The following GALNT12 variants were observed in gnomAD, a reference collection of about 807,000 sequenced individuals.
GALNT12 encodes the protein polypeptide N-acetylgalactosaminyltransferase 12, also known as UDP-GalNAc:polypeptide N-acetylgalactosaminyltransferase 12.
A neutral mutation model predicts 55.5 loss-of-function variants in GALNT12; 45 were observed. That is an observed-to-expected ratio of 0.81 (90% CI 0.64 to 1.04). The LOEUF (loss-of-function observed/expected upper bound fraction) is 1.04, where lower values mean the gene tolerates loss of function less well. GALNT12 is among the 50% of genes least tolerant of loss of function. The pLI is 0.00. For missense variants in GALNT12, 709 were observed against 754.8 expected (o/e 0.94, Z 0.71); for synonymous variants, 304 against 312.2 (o/e 0.97, Z 0.28).
chr9:98,844,054 C>G (rs1836356568), intron 7 of GALNT12, 42 bp from the exon 8 acceptor site: 1 of 1,368,530 alleles, frequency 7.3e-7, no homozygotes, highest in Admixed American at 1.7e-5. Flanking sequence ...CTGTTAGTGT[C>G]TATAAATCTG....
intron 8 of GALNT12, chr9:98,844,515 T>C (rs542932690): frequency 2.7e-6 from 1 of 364,922 alleles, no homozygotes; most frequent in Admixed American, 4.2e-5. Flanking sequence ...ATATCATTCC[T>C]AGTGGCCACT....
chr9:98,822,814 C>T (rs938406463), intron 1 of GALNT12, among the ~76,000 whole-genome samples: 3 of 152,020 alleles, frequency 2.0e-5, no homozygotes, highest in Non-Finnish European at 4.4e-5. Flanking sequence ...TGGTCCCAGG[C>T]GTTTCACAAA....
chr9:98,840,123 T>G lies in GALNT12; in HGVS notation c.1334T>G (p.Phe445Cys). 6.2e-7 allele frequency: 1 copy of G among 1,613,626 alleles called. No homozygotes were observed. The highest frequency in any genetic ancestry group is 8.5e-7 in the Non-Finnish European group (1 of 1,179,958). Residue 445 changes from phenylalanine to cysteine, a missense_variant, in exon 7 of 10, where the codon TTC (phenylalanine) becomes TGC (cysteine). By Grantham distance (205) the Phe-to-Cys change is radical. Transcript: ENST00000375011. ...ELHVPEDRPG[F>C]FGMLQNKGLT... ...CATGTGCCTGAGGACAGGCCTGGCT[T>G]CTTCGGGATGGTGAGTGAGGGTGGT...
intron 3 of GALNT12, among the ~76,000 whole-genome samples, chr9:98,830,793 A>G (rs1835975239): frequency 6.6e-6 from 1 of 152,204 alleles, no homozygotes; most frequent in Non-Finnish European, 1.5e-5. Context: ...ATTTCCCGAT[A>G]GTTGTAATTC....
intron 3 of GALNT12, among the ~76,000 whole-genome samples, chr9:98,829,887 C>T (rs761285575): frequency 5.9e-5 from 9 of 152,190 alleles, no homozygotes; most frequent in Non-Finnish European, 1.0e-4. Context: ...ATGGACACTT[C>T]GGTTGCTTCC....
intron 1 of GALNT12, among the ~76,000 whole-genome samples, chr9:98,820,200 G>A (rs1021766649): frequency 6.6e-6 from 1 of 152,060 alleles, no homozygotes; most frequent in Non-Finnish European, 1.5e-5. Flanking sequence ...CATCACCTAG[G>A]TATTAAGCCC....
Position 98,826,972 on chromosome 9 carries a change from G to A in GALNT12, c.731+31G>A, listed in dbSNP as rs533587096. ...TGAGCCGCCCACCATGGGAGAGACA[G>A]CATGTTACCTGGAGTAGGTAGCATG... On this transcript the variant is annotated intron_variant, in intron 3 of 9. Coordinates refer to ENST00000375011, the MANE Select transcript of GALNT12 (RefSeq NM_024642.5). 5 of 1,549,716 alleles carry A rather than the reference G, an allele frequency of 3.2e-6. No individual in the cohort carries two copies. The South Asian group carries it at 6.0e-5, about 18-fold the overall frequency.
At chr9:98,822,826 G>A (rs1311426090) in intron 1 of GALNT12, among the ~76,000 whole-genome samples, 2 of 152,126 alleles carry the variant, frequency 1.3e-5, no homozygotes, top group Non-Finnish European at 2.9e-5. Context: ...TTTCACAAAG[G>A]AGAACAGGCC....
At chr9:98,816,360 T>C (rs919501507) in intron 1 of GALNT12, among the ~76,000 whole-genome samples, 1 of 148,600 alleles carries the variant, frequency 6.7e-6, no homozygotes, top group Admixed American at 6.8e-5. Flanking sequence ...CCCTAGGCTA[T>C]TGGTTTTAGT....
At chr9:98,808,303 A>G (rs1259772699) in intron 1 of GALNT12, among the ~76,000 whole-genome samples, 1 of 152,178 alleles carries the variant, frequency 6.6e-6, no homozygotes, top group African/African-American at 2.4e-5. Flanking sequence ...GTGATCTCTT[A>G]GCTCCCTTCT....
intron 7 of GALNT12, among the ~76,000 whole-genome samples, chr9:98,842,583 G>A (rs568075067): frequency 1.5e-4 from 23 of 152,176 alleles, no homozygotes; most frequent in African/African-American, 4.3e-4. Context: ...TTACAGTGGC[G>A]TTGATAGCCT....
intron 6 of GALNT12, among the ~76,000 whole-genome samples, chr9:98,838,243 C>T (rs1011129941): frequency 1.3e-5 from 2 of 152,184 alleles, no homozygotes; most frequent in Admixed American, 1.3e-4. Flanking sequence ...TGGAGAGTGG[C>T]CCAGGCCCCC....
At chr9:98,822,706 T>C (rs966885851) in intron 1 of GALNT12, among the ~76,000 whole-genome samples, 15 of 152,082 alleles carry the variant, frequency 9.9e-5, no homozygotes, top group Non-Finnish European at 2.2e-4. Context: ...GGTACAGTGG[T>C]ACATGAGGAC....
chr9:98,839,109 T>C (rs1325517978), intron 6 of GALNT12, among the ~76,000 whole-genome samples: 3 of 152,126 alleles, frequency 2.0e-5, no homozygotes, highest in African/African-American at 7.2e-5. Context: ...CTGGAACCCA[T>C]AGTTCCCTTT....
intron 5 of GALNT12, among the ~76,000 whole-genome samples, chr9:98,835,587 A>G (rs1836121643): frequency 1.3e-5 from 2 of 152,162 alleles, no homozygotes; most frequent in South Asian, 4.2e-4. Context: ...CACTCTATGG[A>G]GAGGAGGAAA....
At chr9:98,832,548 T>C (rs565534706) in intron 4 of GALNT12, among the ~76,000 whole-genome samples, 1 of 152,258 alleles carries the variant, frequency 6.6e-6, no homozygotes, top group East Asian at 1.9e-4. Context: ...AAACAAAGCA[T>C]GCAATTTTAG....
At chr9:98,812,321 T>A (rs893208817) in intron 1 of GALNT12, among the ~76,000 whole-genome samples, 5 of 151,894 alleles carry the variant, frequency 3.3e-5, no homozygotes, top group Non-Finnish European at 7.4e-5. Flanking sequence ...CCAGGAGTGG[T>A]GGCTCACGCC....
intron 2 of GALNT12, among the ~76,000 whole-genome samples, chr9:98,824,076 C>A (rs1835808730): frequency 6.6e-6 from 1 of 152,224 alleles, no homozygotes; most frequent in Non-Finnish European, 1.5e-5. Context: ...AGGGAAGCAA[C>A]CCCTGCTGAT....
rs530644638 is a variant in GALNT12, at chr9:98,810,189, A to G, written c.371+2120A>G. ...GCCTGAGAAACCTGAATGGCAGATC[A>G]TAAGTTCACAGTGTGGGTATGGGGT... is the stretch of plus-strand genomic sequence containing the variant. On this transcript the variant is annotated intron_variant, in intron 1 of 9. Transcript: ENST00000375011. Among the ~76,000 whole-genome samples, 3 of 152,312 alleles carry G rather than the reference A, an allele frequency of 2.0e-5. No homozygotes were observed. In the East Asian group the frequency reaches 5.8e-4, roughly 29 times the overall value.
Sources: gnomAD v4.1 joint callset for allele counts (sites outside exome capture counted in the v4.1 genomes callset) on GRCh38, gnomAD v4.1.1 for gene constraint, MANE v1.5 for transcripts, NCBI Gene and HGNC (gene_info 2026-07-23, HGNC 2026-07-21) for gene names.